ARB2A: variants seen among roughly 807,000 people sequenced by gnomAD.
ARB2A encodes the protein ARB2 cotranscriptional regulator A.
chr5:94,084,639 T>C, the ARB2A span, among the ~76,000 whole-genome samples: 1 of 152,152 alleles, frequency 6.6e-6, no homozygotes, highest in African/African-American at 2.4e-5. Flanking sequence ...GGTTTCACAG[T>C]AATTAAGAAA....
chr5:94,009,855 T>C, the ARB2A span, among the ~76,000 whole-genome samples: 12 of 152,138 alleles, frequency 7.9e-5, no homozygotes, highest in Admixed American at 7.2e-4. Flanking sequence ...TATTGTTTGA[T>C]ATCTATGAGA....
the ARB2A span, chr5:93,743,423 AT>A: frequency 2.7e-6 from 1 of 367,854 alleles, no homozygotes; most frequent in African/African-American, 2.2e-5. Context: ...AAAGACTTCC[AT>A]ATTTGCCTTC....
the ARB2A span, among the ~76,000 whole-genome samples, chr5:93,691,616 C>G: frequency 6.6e-6 from 1 of 151,982 alleles, no homozygotes; most frequent in Non-Finnish European, 1.5e-5. Context: ...AGGATATTAT[C>G]CAGGAGAAAT....
chr5:93,993,256 C>G, the ARB2A span, among the ~76,000 whole-genome samples: 4 of 152,034 alleles, frequency 2.6e-5, no homozygotes, highest in African/African-American at 9.7e-5. Context: ...GAGAGCTTCA[C>G]CAGCTGGTAC....
chr5:93,932,523 T>G, the ARB2A span, among the ~76,000 whole-genome samples: 3 of 152,340 alleles, frequency 2.0e-5, no homozygotes, highest in South Asian at 6.2e-4. Flanking sequence ...TAGACAAATA[T>G]GCATTAAGTA....
the ARB2A span, among the ~76,000 whole-genome samples, chr5:93,699,024 C>T: frequency 6.6e-6 from 1 of 152,182 alleles, no homozygotes; most frequent in Non-Finnish European, 1.5e-5. Flanking sequence ...TCAGAATAGA[C>T]TGAATATAGA....
At chr5:93,926,430 G>A in the ARB2A span, among the ~76,000 whole-genome samples, 1 of 151,982 alleles carries the variant, frequency 6.6e-6, no homozygotes, top group South Asian at 2.1e-4. Flanking sequence ...ACCGTGCCCG[G>A]CCTATATTTC....
At chr5:93,860,242 AAG>A in the ARB2A span, among the ~76,000 whole-genome samples, 5 of 152,092 alleles carry the variant, frequency 3.3e-5, no homozygotes, top group African/African-American at 1.2e-4. Flanking sequence ...GCAGTGAGCC[AAG>A]ATCGTGCCAC....
the ARB2A span, among the ~76,000 whole-genome samples, chr5:93,673,692 G>C: frequency 3.9e-5 from 6 of 152,234 alleles, no homozygotes; most frequent in East Asian, 9.7e-4. Context: ...TGTTAGTTTA[G>C]GTTTGTCATT....
the ARB2A span, among the ~76,000 whole-genome samples, chr5:93,768,463 C>CTA: frequency 0.13 from 18,971 of 145,718 alleles, 1,343 homozygotes; most frequent in African/African-American, 0.18. Context: ...CAAATATCCA[C>CTA]TATATATATA....
At chr5:93,853,385 C>T in the ARB2A span, among the ~76,000 whole-genome samples, 1 of 152,188 alleles carries the variant, frequency 6.6e-6, no homozygotes, top group Admixed American at 6.5e-5. Flanking sequence ...TCTAGATATA[C>T]AATCATGTCA....
chr5:93,829,612 C>A, the ARB2A span, among the ~76,000 whole-genome samples: 1 of 152,096 alleles, frequency 6.6e-6, no homozygotes, highest in Admixed American at 6.6e-5. Context: ...AAATGAATAA[C>A]AAAACCACAA....
At chr5:94,087,768 T>C in the ARB2A span, among the ~76,000 whole-genome samples, 2 of 152,200 alleles carry the variant, frequency 1.3e-5, no homozygotes, top group Non-Finnish European at 2.9e-5. Flanking sequence ...TTTCTATGTT[T>C]ATATACGTTT....
the ARB2A span, among the ~76,000 whole-genome samples, chr5:93,747,419 C>A: frequency 1.3e-5 from 2 of 151,982 alleles, no homozygotes; most frequent in Non-Finnish European, 2.9e-5. Flanking sequence ...AAAATGAACT[C>A]TTATTTTAAC....
the ARB2A span, among the ~76,000 whole-genome samples, chr5:93,691,346 G>A: frequency 2.6e-5 from 4 of 151,826 alleles, no homozygotes; most frequent in African/African-American, 7.3e-5. Context: ...GCCTGATGGA[G>A]CTCAAAAGCA....
chr5:93,839,467 A>G, the ARB2A span, among the ~76,000 whole-genome samples: 2 of 152,040 alleles, frequency 1.3e-5, no homozygotes, highest in Non-Finnish European at 2.9e-5. Context: ...ATGTTCATTA[A>G]GGATATTGGC....
At chr5:93,720,402 A>C in the ARB2A span, among the ~76,000 whole-genome samples, 2 of 152,170 alleles carry the variant, frequency 1.3e-5, no homozygotes, top group African/African-American at 4.8e-5. Context: ...TTTAGAACCT[A>C]ATCTATAGTT....
the ARB2A span, among the ~76,000 whole-genome samples, chr5:93,919,453 T>G: frequency 6.6e-6 from 1 of 152,108 alleles, no homozygotes; most frequent in Non-Finnish European, 1.5e-5. Context: ...TTGTATAAAG[T>G]GGTAATATAA....
chr5:93,648,352 A>G, the ARB2A span, among the ~76,000 whole-genome samples: 1 of 152,164 alleles, frequency 6.6e-6, no homozygotes, highest in African/African-American at 2.4e-5. Flanking sequence ...TGATTAAAAT[A>G]TGCTTGGCTA....
Sources: allele counts gnomAD v4.1 joint callset (sites outside exome capture counted in the v4.1 genomes callset), GRCh38; gene constraint gnomAD v4.1.1; transcripts MANE v1.5; gene names NCBI Gene and HGNC (gene_info 2026-07-23, HGNC 2026-07-21).